Variants in LRFN2 observed in about 807,000 individuals in gnomAD.
LRFN2 encodes the protein leucine rich repeat and fibronectin type III domain containing 2.
In LRFN2, 18 loss-of-function variants were observed where a neutral mutation model predicts 37.3. That is an observed-to-expected ratio of 0.48 (90% CI 0.33 to 0.72). LRFN2 has a LOEUF of 0.72. LRFN2 is among the 30% of genes least tolerant of loss of function. LRFN2 has a pLI of 0.02. For missense variants in LRFN2, 1,006 were observed against 1,060.7 expected (o/e 0.95, Z 0.72); for synonymous variants, 556 against 466.6 (o/e 1.19, Z -2.47).
rs200557868 is a variant in LRFN2 at position 40,392,509 on chromosome 6, C to A, written c.1804G>T (p.Val602Leu). ...AGAPPQGPPK[V>L]VVRNELLDFT... Reference sequence around the variant, plus strand: ...TCCAGGAGCTCGTTGCGCACCACCACCTTCGGCGGGCCCTGCGGCGGGGCC... The same window carrying A: ...TCCAGGAGCTCGTTGCGCACCACCAACTTCGGCGGGCCCTGCGGCGGGGCC... The change falls in exon 3 of 3, where the codon GTG becomes TTG. Residue 602 changes from valine (V) to leucine (L), a missense_variant. Around this residue, in one of 4 missense-constraint regions of LRFN2, gnomAD observed 398 missense variants for 327.6 expected, o/e 1.21. Transcript: ENST00000338305. This position sits in a 1 kb window ranked among gnomAD's most constrained non-coding sequence, Gnocchi z 4.7. The A allele has an allele frequency of 6.9e-6, 11 of 1,587,132 alleles. No homozygotes were observed. Among genetic ancestry groups the A allele is most frequent in the Middle Eastern group, 1.7e-4 (1 of 6,042 alleles).
At chr6:40,450,834 C>A (rs1321963429) in intron 1 of LRFN2, among the ~76,000 whole-genome samples, 57 of 152,164 alleles carry the variant, frequency 3.7e-4, no homozygotes, top group Admixed American at 3.7e-3. Context: ...ATGTAAGAAG[C>A]AAATGAGTAT....
intron 1 of LRFN2, among the ~76,000 whole-genome samples, chr6:40,438,487 A>AG (rs1036143513): frequency 1.3e-5 from 2 of 152,136 alleles, no homozygotes; most frequent in Non-Finnish European, 2.9e-5. Flanking sequence ...TTTAGCTACT[A>AG]GGAAGTGAGG....
At chr6:40,442,568 G>A (rs549615346) in intron 1 of LRFN2, among the ~76,000 whole-genome samples, 12 of 151,862 alleles carry the variant, frequency 7.9e-5, no homozygotes, top group East Asian at 5.9e-4. Flanking sequence ...ACGGGGCCGC[G>A]TCTCCCCTCA....
chr6:40,407,737 A>C (rs1762878203), intron 2 of LRFN2: 1 of 152,308 alleles, frequency 6.6e-6, no homozygotes, highest in African/African-American at 2.4e-5. Context: ...ACACCAAGTA[A>C]ACACCACCTA....
chr6:40,435,693 C>A (rs1183371040), intron 1 of LRFN2, among the ~76,000 whole-genome samples: 2 of 152,118 alleles, frequency 1.3e-5, no homozygotes, highest in Non-Finnish European at 2.9e-5. Context: ...TGCCCGCCAC[C>A]ACACCCGGCT....
intron 1 of LRFN2, among the ~76,000 whole-genome samples, chr6:40,439,619 C>T (rs1010606667): frequency 3.9e-5 from 6 of 152,188 alleles, no homozygotes; most frequent in Non-Finnish European, 5.9e-5. Context: ...CCAGCACATC[C>T]GCCTCCCTGC....
In LRFN2 at chr6:40,583,335, T is replaced by C. The variant is rs984597337; in HGVS notation, c.-19+3606A>G. On this transcript the variant is annotated intron_variant, in intron 1 of 2. Transcript: ENST00000338305. ...ACCAAAAATGCTGCCCATGTGCCCC[T>C]TCCTAGCTTCCTGTTACCAGTCCCA... Among the ~76,000 whole-genome samples the C allele has an allele frequency of 4.2e-4, 64 of 151,352 alleles. 1 individual carries two copies. Among genetic ancestry groups the C allele is most frequent in the Non-Finnish European group, 5.9e-5 (4 of 67,856 alleles).
chr6:40,395,158 A>T (rs753636990), intron 2 of LRFN2, among the ~76,000 whole-genome samples: 17 of 152,244 alleles, frequency 1.1e-4, no homozygotes, highest in Admixed American at 2.6e-4. Flanking sequence ...TCACCTGGGC[A>T]TCATGACAGT....
intron 1 of LRFN2, among the ~76,000 whole-genome samples, chr6:40,531,026 T>C (rs1043496706): frequency 4.6e-5 from 7 of 152,186 alleles, no homozygotes; most frequent in African/African-American, 1.7e-4. Flanking sequence ...AAAGCATGCA[T>C]ATTATAAGCT....
chr6:40,408,233 A>G (rs558423357), intron 2 of LRFN2, among the ~76,000 whole-genome samples: 13 of 152,358 alleles, frequency 8.5e-5, no homozygotes, highest in African/African-American at 3.1e-4. Flanking sequence ...AATGTTATGT[A>G]TATTTTACAA....
chr6:40,533,704 G>A (rs1766394666), intron 1 of LRFN2, among the ~76,000 whole-genome samples: 1 of 152,168 alleles, frequency 6.6e-6, no homozygotes, highest in Non-Finnish European at 1.5e-5. Context: ...CATCCTGATA[G>A]AGGAGACTTG....
intron 2 of LRFN2, among the ~76,000 whole-genome samples, chr6:40,415,110 A>G (rs1763066913): frequency 6.6e-6 from 1 of 152,112 alleles, no homozygotes; most frequent in Non-Finnish European, 1.5e-5. Context: ...CCAGAGACCC[A>G]CCCCAGACAA....
rs79259750 is a variant in LRFN2 at position 40,414,740 on chromosome 6, C to A, written c.1400+16974G>T. ...AAAAGGCTTGAGTGAGAAGCTTGGC[C>A]CCCCCAGGCGGGGTCACTGTGACAC... On this transcript the variant is annotated intron_variant, in intron 2 of 2. Coordinates refer to ENST00000338305, the MANE Select transcript of LRFN2 (RefSeq NM_020737.3). Among the ~76,000 whole-genome samples, 425 of 152,242 alleles carry A rather than the reference C, an allele frequency of 2.8e-3. 3 individuals carry two copies. Among genetic ancestry groups the A allele is most frequent in the East Asian group, 0.017 (89 of 5,178 alleles).
In LRFN2 at chr6:40,392,117, C is replaced by A. The variant is rs762064936; in HGVS notation, c.2196G>T (p.Ala732=). ...HSFDMGDFAA[A]AAGGVVPGGY... is the part of the protein sequence containing the mutation. ...CGCCCGGCACGACCCCTCCCGCCGC[C>A]GCAGCAGCAAAGTCCCCCATGTCGA... is the stretch of plus-strand genomic sequence containing the variant. The change falls in exon 3 of 3, where the codon GCG becomes GCT. Residue 732 remains alanine, a synonymous_variant. Transcript: ENST00000338305. This position sits in a 1 kb window ranked among gnomAD's most constrained non-coding sequence, Gnocchi z 4.7. 1 of 1,613,230 alleles carries A rather than the reference C, an allele frequency of 6.2e-7. No individual in the cohort carries two copies. Among genetic ancestry groups the A allele is most frequent in the Non-Finnish European group, 8.5e-7 (1 of 1,179,674 alleles).
chr6:40,580,674 C>T (rs1012011103), intron 1 of LRFN2, among the ~76,000 whole-genome samples: 2 of 152,224 alleles, frequency 1.3e-5, no homozygotes, highest in Admixed American at 6.5e-5. Flanking sequence ...TATTGACATG[C>T]TCTCTAAAGT....
At chr6:40,490,957 T>A in intron 1 of LRFN2, among the ~76,000 whole-genome samples, 1 of 151,826 alleles carries the variant, frequency 6.6e-6, no homozygotes, top group East Asian at 1.9e-4. Flanking sequence ...ACCTGTAAGG[T>A]GAGGGGTATG....
chr6:40,480,052 T>A (rs1337571511), intron 1 of LRFN2, among the ~76,000 whole-genome samples: 2 of 152,252 alleles, frequency 1.3e-5, no homozygotes, highest in Non-Finnish European at 2.9e-5. Context: ...GTAGGAAGGA[T>A]AAAAGTGAAC....
intron 1 of LRFN2, among the ~76,000 whole-genome samples, chr6:40,435,983 A>G (rs956910836): frequency 1.3e-5 from 2 of 152,228 alleles, no homozygotes; most frequent in Non-Finnish European, 2.9e-5. Flanking sequence ...ACTGTGAAGT[A>G]GAAATATGAT....
chr6:40,469,054 G>A (rs1351518832), intron 1 of LRFN2, among the ~76,000 whole-genome samples: 1 of 152,190 alleles, frequency 6.6e-6, no homozygotes, highest in Non-Finnish European at 1.5e-5. Context: ...AAGGTGATGT[G>A]ATTGTCCTGG....
Sources: gnomAD v4.1 joint callset for allele counts (sites outside exome capture counted in the v4.1 genomes callset) on GRCh38, gnomAD v4.1.1 for gene constraint, gnomAD v4.1.1 regional missense constraint, Gnocchi (gnomAD v3.1) non-coding constraint, MANE v1.5 for transcripts, NCBI Gene and HGNC (gene_info 2026-07-23, HGNC 2026-07-21) for gene names.